CAMK1G: variants seen among roughly 807,000 people sequenced by gnomAD.
CAMK1G encodes the protein calcium/calmodulin dependent protein kinase IG.
A neutral mutation model predicts 54.8 loss-of-function variants in CAMK1G; 27 were observed. That is an observed-to-expected ratio of 0.49 (90% CI 0.36 to 0.68). The LOEUF is 0.68. Among genes scored for constraint, CAMK1G ranks in the 30% least tolerant of loss-of-function variants. The pLI, the probability that CAMK1G is intolerant of heterozygous loss-of-function variation, is 0.00. For synonymous variants in CAMK1G, 238 were observed against 224.9 expected, an observed-to-expected ratio of 1.06 and a Z score of -0.52; for missense variants, 512 against 591.0, an observed-to-expected ratio of 0.87 and a Z score of 1.39.
At chr1:209,599,593 A>G (rs1665477302) in intron 2 of CAMK1G, among the ~76,000 whole-genome samples, 2 of 152,208 alleles carry the variant, frequency 1.3e-5, no homozygotes, top group Admixed American at 1.3e-4. Flanking sequence ...TGACCATAGG[A>G]CAGTTCTCAA....
chr1:209,612,185 C>A lies in CAMK1G; in HGVS notation c.1309C>A (p.Pro437Thr), dbSNP rs939624820. The change falls in exon 11 of 13, where the codon CCC becomes ACC. Residue 437 changes from proline to threonine, a missense_variant. Coordinates refer to ENST00000361322, the MANE Select transcript of CAMK1G (RefSeq NM_020439.3). ...SKGKSSYCSE[P>T]TLLKKANKKQ... The stretch of plus-strand genomic sequence containing the variant: ...AGGAAAGTCCTCCTACTGCTCTGAG[C>A]CCACACTCCTCAAAAAGGCCAACAA... 3 of 1,614,088 alleles carry A rather than the reference C, an allele frequency of 1.9e-6. No homozygotes were observed. Among genetic ancestry groups the A allele is most frequent in the East Asian group, 4.5e-5 (2 of 44,890 alleles).
intron 1 of CAMK1G, among the ~76,000 whole-genome samples, chr1:209,593,452 C>T (rs114738554): frequency 6.4e-4 from 97 of 152,276 alleles, no homozygotes; most frequent in African/African-American, 2.2e-3. Flanking sequence ...ACCTGGTACC[C>T]TGCCATTAGC....
chr1:209,594,588 C>T (rs901985667), intron 1 of CAMK1G, among the ~76,000 whole-genome samples: 1 of 152,192 alleles, frequency 6.6e-6, no homozygotes, highest in African/African-American at 2.4e-5. Flanking sequence ...GGAAGCCTGG[C>T]TGACTCTGTA....
chr1:209,611,618 C>G, intron 10 of CAMK1G, 66 bp downstream of exon 10: 1 of 1,521,154 alleles, frequency 6.6e-7, no homozygotes, highest in East Asian at 2.3e-5. Flanking sequence ...CTGGCAGGGG[C>G]TGACATAAGG....
intron 11 of CAMK1G, 94 bp downstream of exon 11, chr1:209,612,310 C>A: frequency 7.4e-7 from 1 of 1,350,890 alleles, no homozygotes; most frequent in Admixed American, 2.1e-5. Context: ...GCCTCTCCCA[C>A]TCATAGGCAG....
chr1:209,588,896 C>A (rs1390669329), intron 1 of CAMK1G, among the ~76,000 whole-genome samples: 2 of 152,188 alleles, frequency 1.3e-5, no homozygotes, highest in African/African-American at 4.8e-5. Flanking sequence ...GGGCTGCACT[C>A]AGAGGCAGCG....
chr1:209,612,612 T>G (rs2272879), intron 11 of CAMK1G, among the ~76,000 whole-genome samples, 173 bp from the exon 12 acceptor site: 111,130 of 152,116 alleles, frequency 0.73, 41,840 homozygotes, highest in African/African-American at 0.92. Context: ...CAGAAGGAAG[T>G]GTAGGGGGGC....
At chr1:209,585,335 C>A (rs1665069566) in intron 1 of CAMK1G, among the ~76,000 whole-genome samples, 1 of 152,120 alleles carries the variant, frequency 6.6e-6, no homozygotes, top group South Asian at 2.1e-4. Context: ...CATGTGTTCC[C>A]AGGGTAATCA....
intron 10 of CAMK1G, 108 bp from the exon 11 acceptor site, chr1:209,611,684 G>C (rs1447491490): frequency 1.3e-6 from 2 of 1,485,540 alleles, no homozygotes; most frequent in Non-Finnish European, 1.8e-6. Flanking sequence ...TCTCTGAAAT[G>C]AGAAGTGGGC....
At chr1:209,601,389 A>G (rs529303304) in intron 3 of CAMK1G, among the ~76,000 whole-genome samples, 2 of 152,354 alleles carry the variant, frequency 1.3e-5, no homozygotes, top group South Asian at 2.1e-4. Flanking sequence ...CAAGTGGACA[A>G]CAATATAATT....
chr1:209,607,439 C>T (rs1412111564), intron 6 of CAMK1G, among the ~76,000 whole-genome samples: 1 of 152,178 alleles, frequency 6.6e-6, no homozygotes, highest in African/African-American at 2.4e-5. Flanking sequence ...CTCCCAGAGG[C>T]TCCCAGTCTA....
At chr1:209,600,465 AC>A (rs1397971629) in intron 3 of CAMK1G, among the ~76,000 whole-genome samples, 1 of 152,240 alleles carries the variant, frequency 6.6e-6, no homozygotes, top group African/African-American at 2.4e-5. Flanking sequence ...TCAATTTATA[AC>A]AAAGCAAATG....
chr1:209,599,800 T>A lies in CAMK1G; in HGVS notation c.93-183T>A, dbSNP rs527723519. On this transcript the variant is annotated intron_variant, in intron 2 of 12. Coordinates refer to ENST00000361322, the MANE Select transcript of CAMK1G (RefSeq NM_020439.3). ...CATTGGCATTTTGGAAGAATACAGGTTCCCCCCTTCCCTTTTTTAAATTTT... is the reference window on the plus strand; with the variant it reads ...CATTGGCATTTTGGAAGAATACAGGATCCCCCCTTCCCTTTTTTAAATTTT... Among the ~76,000 whole-genome samples the A allele has an allele frequency of 2.0e-5, 3 of 152,324 alleles. No individual in the cohort carries two copies. In the South Asian group the frequency reaches 6.2e-4, roughly 32 times the overall value.
chr1:209,606,236 T>C, intron 5 of CAMK1G, 84 bp from the exon 6 acceptor site: 1 of 1,550,888 alleles, frequency 6.4e-7, no homozygotes, highest in Non-Finnish European at 8.8e-7. Context: ...AGGGCTCATC[T>C]TCCTGTGAAA....
Position 209,612,202 on chromosome 1 carries a change from G to C in CAMK1G, c.1326G>C (p.Lys442Asn), listed in dbSNP as rs1330453145. 6.2e-7 allele frequency: 1 copy of C among 1,613,228 alleles called. No homozygotes were observed. Among genetic ancestry groups the C allele is most frequent in the Non-Finnish European group, 8.5e-7 (1 of 1,179,656 alleles). Residue 442 changes from lysine to asparagine, a missense_variant, in exon 11 of 13, where the codon AAG becomes AAC. Physicochemically the swap from Lys to Asn is moderately conservative, Grantham distance 94 (BLOSUM62 0). Coordinates refer to ENST00000361322, the MANE Select transcript of CAMK1G (RefSeq NM_020439.3). ...SYCSEPTLLK[K>N]ANKKQNFKSE... The stretch of plus-strand genomic sequence containing the variant: ...GCTCTGAGCCCACACTCCTCAAAAA[G>C]GCCAACAAAAAACAGTACGTATTTT...
intron 1 of CAMK1G, among the ~76,000 whole-genome samples, chr1:209,593,305 T>C (rs1331949260): frequency 6.6e-6 from 1 of 152,226 alleles, no homozygotes; most frequent in African/African-American, 2.4e-5. Flanking sequence ...TACAAGTAGT[T>C]TTTCTCGAGT....
chr1:209,605,736 C>G (rs1665631613), intron 5 of CAMK1G, 62 bp downstream of exon 5: 1 of 1,515,630 alleles, frequency 6.6e-7, no homozygotes, highest in Non-Finnish European at 9.0e-7. Context: ...CTGCATGGGT[C>G]ATGGGACATC....
Position 209,612,922 on chromosome 1 carries a change from G to T in CAMK1G, c.*37+10G>T. ...TCACTGCAATTTTCAGGTTAGGAGG[G>T]TCACAGTGTGAGGCTTGGGGAGAGT... On this transcript the variant is annotated intron_variant, in intron 12 of 12. Coordinates refer to ENST00000361322, the MANE Select transcript of CAMK1G (RefSeq NM_020439.3). 7.6e-7 allele frequency: 1 copy of T among 1,316,300 alleles called. No homozygotes were observed. Among genetic ancestry groups the T allele is most frequent in the Non-Finnish European group, 1.1e-6 (1 of 913,504 alleles). 81.5% of individuals were successfully genotyped at this position (1,316,300 alleles called of 1,614,324 possible).
rs567704563 is a variant in CAMK1G, at chr1:209,613,197, A to G, written c.*195A>G. ...GCCCCTCATAGGAGGCCCAGGAGGG[A>G]GCCCCAAGGCGTAGAAGCCTTGTTG... On this transcript the variant is annotated 3_prime_UTR_variant, in exon 13 of 13. Coordinates refer to ENST00000361322, the MANE Select transcript of CAMK1G (RefSeq NM_020439.3). 1 of 295,992 alleles carries G rather than the reference A, an allele frequency of 3.4e-6. No individual in the cohort carries two copies. The highest frequency in any genetic ancestry group is 4.3e-5 in the Admixed American group (1 of 23,102). The allele number at this position is 295,992 out of a possible 1,614,324, so 18.3% of individuals were successfully genotyped here.
Sources: allele counts gnomAD v4.1 joint callset (sites outside exome capture counted in the v4.1 genomes callset), GRCh38; gene constraint gnomAD v4.1.1; transcripts MANE v1.5; gene names NCBI Gene and HGNC (gene_info 2026-07-23, HGNC 2026-07-21).